INO80D: variants seen among roughly 807,000 people sequenced by gnomAD.
INO80D encodes the protein INO80 complex subunit D.
A neutral mutation model predicts 87.6 loss-of-function variants in INO80D; 21 were observed. The ratio of observed to expected loss-of-function variants is 0.24; its 90% CI spans 0.17 to 0.35. INO80D has a LOEUF of 0.35. Among genes scored for constraint, INO80D ranks in the 10% least tolerant of loss-of-function variants. The pLI is 1.00. For synonymous variants in INO80D, 440 were observed against 491.0 expected, an observed-to-expected ratio of 0.90 and a Z score of 1.37; for missense variants, 982 against 1,280.7, an observed-to-expected ratio of 0.77 and a Z score of 3.56.
intron 8 of INO80D, among the ~76,000 whole-genome samples, chr2:206,015,607 G>C (rs1688296826): frequency 6.6e-6 from 1 of 152,196 alleles, no homozygotes; most frequent in African/African-American, 2.4e-5. Context: ...CAGTCTGTCT[G>C]GGCATGGTGG....
intron 5 of INO80D, among the ~76,000 whole-genome samples, chr2:206,037,104 C>A (rs1003101143): frequency 6.6e-6 from 1 of 152,258 alleles, no homozygotes; most frequent in South Asian, 2.1e-4. Flanking sequence ...TGTTTCCTTC[C>A]TTCTTTCTTT....
In INO80D at chr2:206,017,739, C is replaced by T. The variant is rs972952059; in HGVS notation, c.1483G>A (p.Val495Met). The part of the protein sequence containing the change: ...AKFADGQQCS[V>M]PVFDITHQTP... Reference sequence around the variant, plus strand: ...TGATGTGTAATGTCAAAAACTGGCACAGAGCACTGCTGTCCATCTGCAAAC... The same window carrying T: ...TGATGTGTAATGTCAAAAACTGGCATAGAGCACTGCTGTCCATCTGCAAAC... Residue 495 changes from valine (V) to methionine (M), a missense_variant, in exon 8 of 11, where the codon GTG (valine) becomes ATG (methionine). Coordinates refer to ENST00000403263, the MANE Select transcript of INO80D (RefSeq NM_017759.5). The T allele has an allele frequency of 6.2e-7, 1 of 1,613,384 alleles. No individual in the cohort carries two copies. The highest frequency in any genetic ancestry group is 8.5e-7 in the Non-Finnish European group (1 of 1,179,714).
Position 206,062,727 on chromosome 2 carries a change from A to G in INO80D, c.218+72T>C. 2 of 1,301,954 alleles carry G rather than the reference A, an allele frequency of 1.5e-6. No homozygotes were observed. Among genetic ancestry groups the G allele is most frequent in the Non-Finnish European group, 1.1e-6 (1 of 941,398 alleles). The allele number at this position is 1,301,954 out of a possible 1,614,324, so 80.7% of individuals were successfully genotyped here. ...AATGAAGGACAGAAGAAAAGAGAAGAAAAAACAAGAAAAGAAAAAATTCCA... is the reference window on the plus strand; with the variant it reads ...AATGAAGGACAGAAGAAAAGAGAAGGAAAAACAAGAAAAGAAAAAATTCCA... On this transcript the variant is annotated intron_variant, in intron 3 of 10. Transcript: ENST00000403263. The surrounding 1 kb of genome is among the most constrained non-coding windows in gnomAD (Gnocchi z 4.6).
chr2:206,020,525 T>C (rs1688434869), intron 6 of INO80D, among the ~76,000 whole-genome samples: 1 of 152,198 alleles, frequency 6.6e-6, no homozygotes, highest in African/African-American at 2.4e-5. Flanking sequence ...GCTGAGTGGC[T>C]TTTATCCTCC....
At chr2:206,048,069 A>T (rs957762848) in intron 4 of INO80D, among the ~76,000 whole-genome samples, 2 of 151,290 alleles carry the variant, frequency 1.3e-5, no homozygotes, top group South Asian at 4.2e-4. Flanking sequence ...GCTAGCCAGG[A>T]TGGTCTCGAT....
intron 8 of INO80D, among the ~76,000 whole-genome samples, chr2:206,015,341 G>C (rs1688289282): frequency 6.6e-6 from 1 of 152,158 alleles, no homozygotes; most frequent in African/African-American, 2.4e-5. Context: ...TAGGCCTGGA[G>C]GCCTAGGAGG....
Position 205,996,679 on chromosome 2 carries a change from T to A in INO80D, c.*7689A>T, listed in dbSNP as rs1027840778. 7.9e-5 allele frequency: 12 copies of A among 152,220 alleles called. No individual in the cohort carries two copies. The highest frequency in any genetic ancestry group is 3.4e-3 in the Middle Eastern group (1 of 294). The allele number at this position is 152,220 out of a possible 1,614,324, so 9.4% of individuals were successfully genotyped here. ...ATATAGATTTATACAAATGTATAAA[T>A]AAACATAATACTTTTCAATCTTTCC... On this transcript the variant is annotated 3_prime_UTR_variant, in exon 11 of 11. Transcript: ENST00000403263.
chr2:206,063,345 A>G (rs1278759883), intron 1 of INO80D, 101 bp from the exon 2 acceptor site: 3 of 449,372 alleles, frequency 6.7e-6, no homozygotes, highest in African/African-American at 6.2e-5. Flanking sequence ...AATGCAATGG[A>G]TTCTTCACTG....
intron 1 of INO80D, among the ~76,000 whole-genome samples, chr2:206,078,351 A>G (rs1690180771): frequency 6.6e-6 from 1 of 152,112 alleles, no homozygotes; most frequent in Non-Finnish European, 1.5e-5. Flanking sequence ...GGGGTGGTGG[A>G]GATTGCAGTG....
intron 5 of INO80D, among the ~76,000 whole-genome samples, chr2:206,029,535 TATATTCTCTTACTAA>T (rs1688706011): frequency 6.6e-6 from 1 of 152,254 alleles, no homozygotes; most frequent in African/African-American, 2.4e-5. Flanking sequence ...CCATGGACTA[TATATTCTCTTACTAA>T]TCTTCTACTA....
At chr2:206,065,460 C>A (rs531205090) in intron 1 of INO80D, among the ~76,000 whole-genome samples, 1 of 151,908 alleles carries the variant, frequency 6.6e-6, no homozygotes, top group Non-Finnish European at 1.5e-5. Flanking sequence ...CAGAGTGAGA[C>A]TCTGTCTCAA....
chr2:206,052,537 C>G (rs1256851767), intron 4 of INO80D, among the ~76,000 whole-genome samples: 1 of 152,020 alleles, frequency 6.6e-6, no homozygotes, highest in African/African-American at 2.4e-5. Flanking sequence ...AGGCCAGGCA[C>G]AGTGACTTGT....
At chr2:206,026,398 T>G (rs1415626419) in intron 6 of INO80D, among the ~76,000 whole-genome samples, 2 of 151,568 alleles carry the variant, frequency 1.3e-5, no homozygotes, top group East Asian at 3.9e-4. Context: ...ATACAAAAAT[T>G]GGCTTGGCAT....
intron 1 of INO80D, among the ~76,000 whole-genome samples, chr2:206,076,363 G>C (rs1470288652): frequency 6.6e-6 from 1 of 152,106 alleles, no homozygotes; most frequent in East Asian, 1.9e-4. Flanking sequence ...TCCATGTTAT[G>C]TACTTTTTAA....
At chr2:206,029,798 C>CAA (rs1438025024) in intron 5 of INO80D, among the ~76,000 whole-genome samples, 2 of 152,132 alleles carry the variant, frequency 1.3e-5, no homozygotes, top group Non-Finnish European at 2.9e-5. Flanking sequence ...ACCAACATTT[C>CAA]AAAGAGTTTG....
At chr2:206,038,030 A>AT (rs1311721863) in intron 5 of INO80D, among the ~76,000 whole-genome samples, 8 of 152,238 alleles carry the variant, frequency 5.3e-5, no homozygotes, top group Non-Finnish European at 1.0e-4. Flanking sequence ...ACTAAAAAAC[A>AT]TGTTCACATA....
intron 5 of INO80D, among the ~76,000 whole-genome samples, chr2:206,029,084 T>C (rs1688696076): frequency 6.6e-6 from 1 of 152,044 alleles, no homozygotes; most frequent in Non-Finnish European, 1.5e-5. Context: ...GAGACGGGGT[T>C]TCACCATGTT....
At chr2:206,041,308 G>A (rs778933243) in intron 5 of INO80D, among the ~76,000 whole-genome samples, 13 of 152,130 alleles carry the variant, frequency 8.5e-5, no homozygotes, top group Non-Finnish European at 1.8e-4. Context: ...GTAATACATT[G>A]CCAGTAAGAA....
chr2:206,010,729 G>A (rs1330939422), intron 8 of INO80D, among the ~76,000 whole-genome samples: 3 of 152,116 alleles, frequency 2.0e-5, no homozygotes, highest in African/African-American at 7.2e-5. Flanking sequence ...ATGCTTGAAT[G>A]TAAACAATTA....
Sources: allele counts gnomAD v4.1 joint callset (sites outside exome capture counted in the v4.1 genomes callset), GRCh38; gene constraint gnomAD v4.1.1; non-coding constraint Gnocchi (gnomAD v3.1); transcripts MANE v1.5; gene names NCBI Gene and HGNC (gene_info 2026-07-23, HGNC 2026-07-21).